NR6A1: variants seen among roughly 807,000 people sequenced by gnomAD.
NR6A1 encodes nuclear receptor subfamily 6 group A member 1.
In NR6A1, 7 loss-of-function variants were observed where a neutral mutation model predicts 59.1. The observed-to-expected ratio is 0.12, with a 90% CI of 0.07 to 0.22. The LOEUF (loss-of-function observed/expected upper bound fraction) is 0.22. Ranked by LOEUF, NR6A1 falls within the 10% of genes least tolerant of loss-of-function variation. NR6A1 has a pLI of 1.00. For synonymous variants in NR6A1, 243 were observed against 236.1 expected, an observed-to-expected ratio of 1.03 and a Z score of -0.27; for missense variants, 468 against 611.6, an observed-to-expected ratio of 0.77 and a Z score of 2.48.
At chr9:124,729,567 G>C (rs1402244154) in intron 2 of NR6A1, among the ~76,000 whole-genome samples, 1 of 152,076 alleles carries the variant, frequency 6.6e-6, no homozygotes, top group East Asian at 1.9e-4. Context: ...TTGGACAAAA[G>C]AGTAAGACCC....
intron 2 of NR6A1, among the ~76,000 whole-genome samples, chr9:124,620,395 T>C (rs1588714864): frequency 6.6e-6 from 1 of 152,230 alleles, no homozygotes; most frequent in East Asian, 1.9e-4. Context: ...AAGACTTGCA[T>C]GTGAATGTTC....
rs567640874 is a variant in NR6A1 at position 124,747,950 on chromosome 9, A to G, written c.101-14601T>C. On this transcript the variant is annotated intron_variant, in intron 1 of 9. Coordinates refer to ENST00000487099, the MANE Select transcript of NR6A1 (RefSeq NM_033334.4). ...TCCCCTTTTCAACTTTTTAGCATAC[A>G]TTAATAGCACCAAATTACAGAAATA... 2.6e-3 allele frequency among the ~76,000 whole-genome samples: 401 copies of G among 152,326 alleles called. 3 individuals are homozygous for G. The highest frequency in any genetic ancestry group is 9.4e-3 in the African/African-American group (392 of 41,570).
intron 2 of NR6A1, among the ~76,000 whole-genome samples, chr9:124,689,317 C>T (rs766864805): frequency 3.3e-5 from 5 of 152,116 alleles, no homozygotes; most frequent in South Asian, 2.1e-4. Context: ...TTCAAAGTCA[C>T]GATTCTGGCT....
chr9:124,599,766 A>T (rs1835397020), intron 2 of NR6A1, among the ~76,000 whole-genome samples: 1 of 152,222 alleles, frequency 6.6e-6, no homozygotes, highest in African/African-American at 2.4e-5. Flanking sequence ...AACTGAATGA[A>T]GCTCAAAGAA....
At chr9:124,554,282 A>G in intron 3 of NR6A1, 46 bp downstream of exon 3, 1 of 1,613,104 alleles carries the variant, frequency 6.2e-7, no homozygotes, top group Non-Finnish European at 8.5e-7. Flanking sequence ...CTAAAGGTAA[A>G]GTTTTGAATG....
chr9:124,708,118 A>T (rs531762171), intron 2 of NR6A1, among the ~76,000 whole-genome samples: 32 of 152,206 alleles, frequency 2.1e-4, no homozygotes, highest in Non-Finnish European at 4.0e-4. Flanking sequence ...AGCCCTGGCT[A>T]GTCTACTGGC....
chr9:124,594,741 C>G (rs748550505), intron 2 of NR6A1, among the ~76,000 whole-genome samples: 4 of 152,096 alleles, frequency 2.6e-5, no homozygotes, highest in Non-Finnish European at 4.4e-5. Context: ...GGAATGAAGC[C>G]AAGGTTACTA....
At chr9:124,699,669 G>GT (rs1838874374) in intron 2 of NR6A1, among the ~76,000 whole-genome samples, 1 of 152,156 alleles carries the variant, frequency 6.6e-6, no homozygotes, top group South Asian at 2.1e-4. Context: ...TTCGCCTGTT[G>GT]TAAGTGTATA....
At chr9:124,693,986 T>C (rs1010799803) in intron 2 of NR6A1, among the ~76,000 whole-genome samples, 2 of 152,226 alleles carry the variant, frequency 1.3e-5, no homozygotes, top group African/African-American at 4.8e-5. Flanking sequence ...TTTAAGGAAA[T>C]GATATTTTAT....
At chr9:124,750,003 A>G (rs1840449785) in intron 1 of NR6A1, among the ~76,000 whole-genome samples, 1 of 152,208 alleles carries the variant, frequency 6.6e-6, no homozygotes, top group South Asian at 2.1e-4. Context: ...TTCCTGAATA[A>G]GTCACAGTGA....
intron 2 of NR6A1, among the ~76,000 whole-genome samples, chr9:124,673,013 G>GT (rs1419109774): frequency 6.6e-6 from 1 of 152,152 alleles, no homozygotes; most frequent in African/African-American, 2.4e-5. Flanking sequence ...TGAGTGACAT[G>GT]TAAGATTCAA....
At chr9:124,564,148 A>G (rs902182635) in intron 2 of NR6A1, among the ~76,000 whole-genome samples, 2 of 152,220 alleles carry the variant, frequency 1.3e-5, no homozygotes, top group Non-Finnish European at 2.9e-5. Context: ...GCTTTAATTT[A>G]AAAAAGTCTT....
chr9:124,628,039 T>C (rs1006268500), intron 2 of NR6A1, among the ~76,000 whole-genome samples: 2 of 152,092 alleles, frequency 1.3e-5, no homozygotes, highest in African/African-American at 2.4e-5. Context: ...ATTGTTGTTG[T>C]TGTTTTTGAG....
At chr9:124,725,592 T>TG (rs1839690853) in intron 2 of NR6A1, among the ~76,000 whole-genome samples, 1 of 152,002 alleles carries the variant, frequency 6.6e-6, no homozygotes, top group Non-Finnish European at 1.5e-5. Context: ...ATCTGGGGAA[T>TG]GGGGGGCAAT....
intron 1 of NR6A1, among the ~76,000 whole-genome samples, chr9:124,737,330 G>A (rs149767457): frequency 2.0e-5 from 3 of 152,264 alleles, no homozygotes; most frequent in African/African-American, 7.2e-5. Context: ...AAGATATATG[G>A]AGAACAATGT....
chr9:124,648,569 T>C (rs963352709), intron 2 of NR6A1, among the ~76,000 whole-genome samples: 2 of 152,094 alleles, frequency 1.3e-5, no homozygotes, highest in African/African-American at 4.8e-5. Flanking sequence ...TTTATTCAAA[T>C]AGTACTGAAT....
chr9:124,570,485 C>A (rs1341118940), intron 2 of NR6A1, among the ~76,000 whole-genome samples: 2 of 152,166 alleles, frequency 1.3e-5, no homozygotes, highest in Admixed American at 1.3e-4. Flanking sequence ...TGAAATGAAT[C>A]CAGGAAAAAG....
chr9:124,713,749 T>G (rs1839344657), intron 2 of NR6A1, among the ~76,000 whole-genome samples: 2 of 152,174 alleles, frequency 1.3e-5, no homozygotes. Flanking sequence ...TAAGTGTTGG[T>G]GAGGATGTGG....
chr9:124,599,304 G>A (rs371776241), intron 2 of NR6A1: 4 of 376,722 alleles, frequency 1.1e-5, no homozygotes, highest in African/African-American at 8.5e-5. Flanking sequence ...ATAGCTGGGC[G>A]TGGCGGCGGG....
Sources: allele counts gnomAD v4.1 joint callset (sites outside exome capture counted in the v4.1 genomes callset), GRCh38; gene constraint gnomAD v4.1.1; transcripts MANE v1.5; gene names NCBI Gene and HGNC (gene_info 2026-07-23, HGNC 2026-07-21).